HERPUD2: variants seen among roughly 807,000 people sequenced by gnomAD.
HERPUD2 encodes HERPUD family member 2.
Under a neutral mutation model 49.9 loss-of-function variants are expected in HERPUD2, and 13 were observed. That is an observed-to-expected ratio of 0.26 (90% confidence interval 0.17 to 0.41). The LOEUF is 0.41. Among genes scored for constraint, HERPUD2 ranks in the 10% least tolerant of loss-of-function variants. HERPUD2 has a pLI of 1.00. For missense variants in HERPUD2, 449 were observed against 492.2 expected, an observed-to-expected ratio of 0.91 and a Z score of 0.83; for synonymous variants, 172 against 171.4, an observed-to-expected ratio of 1.00 and a Z score of -0.03.
At position 35,687,314 on chromosome 7, in the gene HERPUD2, A is replaced by G. The variant is rs142055179; in HGVS notation, c.147+6870T>C. ...GCTCCACAGAGTAACATATAAATAT[A>G]ATTGGCCTCTCCATTACCACCACCA... On this transcript the variant is annotated intron_variant, in intron 2 of 8. Coordinates refer to ENST00000311350, the MANE Select transcript of HERPUD2 (RefSeq NM_022373.5). Among the ~76,000 whole-genome samples, 28 of 152,274 alleles carry G rather than the reference A, an allele frequency of 1.8e-4. 1 individual carries two copies. The highest frequency in any genetic ancestry group is 6.5e-4 in the African/African-American group (27 of 41,564).
intron 5 of HERPUD2, among the ~76,000 whole-genome samples, chr7:35,649,845 T>C (rs1785128013): frequency 6.6e-6 from 1 of 152,148 alleles, no homozygotes; most frequent in Non-Finnish European, 1.5e-5. Context: ...TGATGTTAAA[T>C]GCTGGTCGGC....
intron 7 of HERPUD2, among the ~76,000 whole-genome samples, chr7:35,634,653 T>C (rs1219802465): frequency 1.3e-5 from 2 of 152,190 alleles, no homozygotes; most frequent in Non-Finnish European, 1.5e-5. Context: ...ACTGGCTCTA[T>C]GTTAGTTATT....
At chr7:35,686,735 AAAAAAAAAAAC>A (rs1158092430) in intron 2 of HERPUD2, among the ~76,000 whole-genome samples, 6 of 96,362 alleles carry the variant, frequency 6.2e-5, no homozygotes, top group African/African-American at 9.5e-5. Flanking sequence ...AAAAAAAAAA[AAAAAAAAAAAC>A]CAAACCCATT....
At chr7:35,679,410 C>T (rs1332577170) in intron 2 of HERPUD2, among the ~76,000 whole-genome samples, 16 of 152,248 alleles carry the variant, frequency 1.1e-4, no homozygotes, top group South Asian at 4.1e-4. Flanking sequence ...ACCACCTACA[C>T]CTACTAAACA....
chr7:35,666,988 A>C (rs1785550329), intron 5 of HERPUD2, among the ~76,000 whole-genome samples: 1 of 152,234 alleles, frequency 6.6e-6, no homozygotes, highest in Non-Finnish European at 1.5e-5. Context: ...TTTCAAGTAT[A>C]CCTTCACTCA....
At chr7:35,683,717 C>A (rs1415271660) in intron 2 of HERPUD2, among the ~76,000 whole-genome samples, 18 of 151,666 alleles carry the variant, frequency 1.2e-4, no homozygotes, top group Non-Finnish European at 2.5e-4. Flanking sequence ...AACAAATCAA[C>A]AAGAAAAAAA....
intron 5 of HERPUD2, among the ~76,000 whole-genome samples, chr7:35,666,522 A>G (rs1785539359): frequency 1.3e-5 from 2 of 152,196 alleles, no homozygotes; most frequent in South Asian, 4.1e-4. Flanking sequence ...CTCCATCATC[A>G]TGGATCCAGA....
At chr7:35,663,769 C>G (rs1278552260) in intron 5 of HERPUD2, among the ~76,000 whole-genome samples, 1 of 152,086 alleles carries the variant, frequency 6.6e-6, no homozygotes, top group Non-Finnish European at 1.5e-5. Context: ...TTCCTCCATC[C>G]CTTTATTTTG....
chr7:35,694,464 TG>T lies in HERPUD2; in HGVS notation c.-135del. On this transcript the variant is annotated 5_prime_UTR_variant, in exon 2 of 9. It introduces an in-frame stop codon into an upstream open reading frame of the 5' UTR. Coordinates refer to ENST00000311350, the MANE Select transcript of HERPUD2 (RefSeq NM_022373.5). ...ATTCCGTGTCCAAGTCAGTTACAAGTGCACTGGAGGATACGAAGCCCATTGC... is the reference window on the plus strand; with the variant it reads ...ATTCCGTGTCCAAGTCAGTTACAAGTCACTGGAGGATACGAAGCCCATTGC... 1 of 874,952 alleles carries T rather than the reference TG, an allele frequency of 1.1e-6. No individual in the cohort carries two copies. The highest frequency in any genetic ancestry group is 1.8e-6 in the Non-Finnish European group (1 of 558,398). 54.2% of individuals were successfully genotyped at this position (874,952 alleles called of 1,614,324 possible).
chr7:35,686,768 G>A (rs1488857859), intron 2 of HERPUD2, among the ~76,000 whole-genome samples: 65 of 123,944 alleles, frequency 5.2e-4, no homozygotes, highest in African/African-American at 1.8e-3. Flanking sequence ...CCAGGCCAGG[G>A]GTGGTGGCTC....
chr7:35,646,612 T>A (rs1262306857), intron 5 of HERPUD2, among the ~76,000 whole-genome samples: 1 of 152,146 alleles, frequency 6.6e-6, no homozygotes, highest in Non-Finnish European at 1.5e-5. Flanking sequence ...TACAAAATGT[T>A]AAATTAATTG....
At chr7:35,686,112 TCTCAA>T (rs1410020887) in intron 2 of HERPUD2, among the ~76,000 whole-genome samples, 3 of 152,176 alleles carry the variant, frequency 2.0e-5, no homozygotes, top group Non-Finnish European at 2.9e-5. Context: ...GACTTTGAGA[TCTCAA>T]CTCAATTTGA....
intron 2 of HERPUD2, among the ~76,000 whole-genome samples, chr7:35,692,392 C>T (rs926281821): frequency 2.0e-4 from 31 of 152,162 alleles, no homozygotes; most frequent in Admixed American, 1.3e-4. Flanking sequence ...GTAAAGATCT[C>T]GCCTACGTAC....
rs1173592529 is a variant in HERPUD2, at chr7:35,682,349, GTGTGTGTGTATATATA to G, written c.148-9087_148-9072del. Among the ~76,000 whole-genome samples, 57 of 41,774 alleles carry G rather than the reference GTGTGTGTGTATATATA, an allele frequency of 1.4e-3. 7 individuals carry two copies. The highest frequency in any genetic ancestry group is 2.1e-3 in the African/African-American group (20 of 9,404). The allele number at this position is 41,774 out of a possible 152,430, so 27.4% of individuals were successfully genotyped here. On this transcript the variant is annotated intron_variant, in intron 2 of 8. Coordinates refer to ENST00000311350, the MANE Select transcript of HERPUD2 (RefSeq NM_022373.5). Reference sequence around the variant, plus strand: ...CACGTGTGTGTGTGTGTGTGTGTGTGTGTGTGTGTATATATATATATATATATATATATATATACTT... The same window carrying G: ...CACGTGTGTGTGTGTGTGTGTGTGTGTATATATATATATATATATATACTT...
chr7:35,645,797 C>G (rs181836478), intron 5 of HERPUD2, among the ~76,000 whole-genome samples: 17 of 152,344 alleles, frequency 1.1e-4, no homozygotes, highest in Non-Finnish European at 2.4e-4. Flanking sequence ...CACATACACA[C>G]ATACTTGTGT....
At chr7:35,680,962 C>T (rs1476159903) in intron 2 of HERPUD2, among the ~76,000 whole-genome samples, 1 of 151,718 alleles carries the variant, frequency 6.6e-6, no homozygotes, top group East Asian at 1.9e-4. Context: ...GAGTCCAAAA[C>T]TGCTTACACA....
chr7:35,692,330 G>GA (rs1437392021), intron 2 of HERPUD2, among the ~76,000 whole-genome samples: 1 of 151,976 alleles, frequency 6.6e-6, no homozygotes, highest in African/African-American at 2.4e-5. Context: ...AAAAGCTTTA[G>GA]AAAAAAGTCT....
chr7:35,645,417 A>G (rs1351548235), intron 5 of HERPUD2, among the ~76,000 whole-genome samples: 1 of 152,148 alleles, frequency 6.6e-6, no homozygotes, highest in Non-Finnish European at 1.5e-5. Context: ...CCCATCTCTA[A>G]CAAAATAAAA....
intron 5 of HERPUD2, among the ~76,000 whole-genome samples, chr7:35,648,543 G>A (rs1026168792): frequency 2.6e-5 from 4 of 152,196 alleles, no homozygotes; most frequent in Non-Finnish European, 5.9e-5. Flanking sequence ...CACAGCACCT[G>A]ATGTAATTTT....
Sources: gnomAD v4.1 joint callset for allele counts (sites outside exome capture counted in the v4.1 genomes callset) on GRCh38, gnomAD v4.1.1 for gene constraint, MANE v1.5 for transcripts, NCBI Gene and HGNC (gene_info 2026-07-23, HGNC 2026-07-21) for gene names.